The following PBX1 variants were observed in gnomAD, a reference collection of about 807,000 sequenced individuals.
PBX1 encodes the protein pre-B-cell leukemia transcription factor 1.
Under a neutral mutation model 53.4 loss-of-function variants are expected in PBX1, and 6 were observed. The ratio of observed to expected loss-of-function variants is 0.11; its 90% CI spans 0.06 to 0.22. The LOEUF (loss-of-function observed/expected upper bound fraction) is 0.22, where lower values mean the gene tolerates loss of function less well. PBX1 is among the 10% of genes least tolerant of loss of function. The pLI is 1.00. For synonymous variants in PBX1, 204 were observed against 212.3 expected (o/e 0.96, Z 0.34); for missense variants, 251 against 551.4 (o/e 0.46, Z 5.46).
chr1:164,786,657 G>A (rs1668193486), intron 2 of PBX1, among the ~76,000 whole-genome samples: 1 of 151,240 alleles, frequency 6.6e-6, no homozygotes, highest in Non-Finnish European at 1.5e-5. Context: ...CAGAGTATCG[G>A]TGTGCCTTGG....
intron 2 of PBX1, chr1:164,651,776 T>G (rs764238024): frequency 6.6e-6 from 1 of 152,304 alleles, no homozygotes; most frequent in Non-Finnish European, 1.5e-5. Flanking sequence ...CCTAATGACC[T>G]ATTCTTCCCC....
intron 2 of PBX1, among the ~76,000 whole-genome samples, chr1:164,658,065 G>C (rs1394555712): frequency 6.6e-6 from 1 of 151,886 alleles, no homozygotes; most frequent in East Asian, 1.9e-4. Context: ...GCAGGCAGGT[G>C]GTAGATGGGG....
At chr1:164,626,136 A>G in intron 2 of PBX1, 2 of 1,013,524 alleles carry the variant, frequency 2.0e-6, no homozygotes, top group Non-Finnish European at 2.4e-6. Flanking sequence ...TGGCCAGTTG[A>G]CTTGAGATGC....
rs180971055 is a variant in PBX1 at position 164,825,608 on chromosome 1, C to T, written c.1200+3982C>T. ...GATCCAAAAATATCCTTAAGTCTTT[C>T]TTTTTGGAAAAAGTTTTTCAAACTT... On this transcript the variant is annotated intron_variant, in intron 8 of 8. Coordinates refer to ENST00000420696, the MANE Select transcript of PBX1 (RefSeq NM_002585.4). Among the ~76,000 whole-genome samples the T allele has an allele frequency of 7.0e-3, 1,060 of 152,198 alleles. 4 individuals carry two copies. The highest frequency in any genetic ancestry group is 0.012 in the Non-Finnish European group (808 of 67,992).
In PBX1 at chr1:164,704,626, T is replaced by C. The variant is rs76866855; in HGVS notation, c.266-87868T>C. Among the ~76,000 whole-genome samples, 904 of 150,986 alleles carry C rather than the reference T, an allele frequency of 6.0e-3. 12 individuals carry two copies. Among genetic ancestry groups the C allele is most frequent in the African/African-American group, 0.02 (833 of 41,186 alleles). ...ACTGAATGTCAGAGCTCTGATACTATAGAATTGGATGGATACACACACATA... is the reference window on the plus strand; with the variant it reads ...ACTGAATGTCAGAGCTCTGATACTACAGAATTGGATGGATACACACACATA... On this transcript the variant is annotated intron_variant, in intron 2 of 8. Coordinates refer to ENST00000420696, the MANE Select transcript of PBX1 (RefSeq NM_002585.4).
At chr1:164,690,903 G>C (rs753992740) in intron 2 of PBX1, among the ~76,000 whole-genome samples, 8 of 151,700 alleles carry the variant, frequency 5.3e-5, no homozygotes, top group Non-Finnish European at 8.8e-5. Flanking sequence ...ATTACAGTTT[G>C]AAGTCACAAA....
intron 1 of PBX1, 53 bp downstream of exon 1, chr1:164,560,066 C>G: frequency 8.1e-7 from 1 of 1,232,584 alleles, no homozygotes; most frequent in Non-Finnish European, 1.1e-6. Context: ...TTTTCTTCCT[C>G]TTGCAGGGGG....
intron 6 of PBX1, chr1:164,819,520 T>C (rs1171191148): frequency 6.6e-6 from 1 of 152,198 alleles, no homozygotes; most frequent in Non-Finnish European, 1.5e-5. Context: ...ATTAAGAATG[T>C]CAATAGACCC....
intron 2 of PBX1, among the ~76,000 whole-genome samples, chr1:164,686,619 G>A (rs1662113282): frequency 6.6e-6 from 1 of 152,294 alleles, no homozygotes; most frequent in South Asian, 2.1e-4. Context: ...GAATCAATGG[G>A]AGACACAAGG....
At chr1:164,647,991 A>T (rs1049520193) in intron 2 of PBX1, among the ~76,000 whole-genome samples, 26 of 151,850 alleles carry the variant, frequency 1.7e-4, no homozygotes, top group African/African-American at 5.8e-4. Flanking sequence ...ATTTTTTTGT[A>T]TTTTTAGTAG....
At chr1:164,700,583 T>C (rs560355735) in intron 2 of PBX1, 1 of 985,404 alleles carries the variant, frequency 1.0e-6, no homozygotes, top group Admixed American at 6.1e-5. Context: ...GAGCAGACAG[T>C]GATCATCTTT....
chr1:164,767,319 C>T (rs1271452344), intron 2 of PBX1, among the ~76,000 whole-genome samples: 1 of 152,158 alleles, frequency 6.6e-6, no homozygotes, highest in Non-Finnish European at 1.5e-5. Flanking sequence ...AACACGGGGT[C>T]CTTCTGCATG....
At chr1:164,722,042 C>G (rs897927637) in intron 2 of PBX1, among the ~76,000 whole-genome samples, 15 of 152,144 alleles carry the variant, frequency 9.9e-5, no homozygotes, top group African/African-American at 3.6e-4. Context: ...AGTTTTATAT[C>G]TTACCCCCTG....
Position 164,687,930 on chromosome 1 carries a change from C to T in PBX1, c.266-104564C>T, listed in dbSNP as rs1162287371. Among the ~76,000 whole-genome samples the T allele has an allele frequency of 3.9e-5, 6 of 152,188 alleles. No homozygotes were observed. In the South Asian group the frequency reaches 1.2e-3, roughly 32 times the overall value. On this transcript the variant is annotated intron_variant, in intron 2 of 8. Coordinates refer to ENST00000420696, the MANE Select transcript of PBX1 (RefSeq NM_002585.4). ...GTTTCATGTTTTCAGATCTTGCTAA[C>T]TCTCCCCAGCTGTGCCCTGCAGTGG...
intron 2 of PBX1, among the ~76,000 whole-genome samples, chr1:164,769,611 T>C (rs1352439335): frequency 6.6e-6 from 1 of 152,122 alleles, no homozygotes. Context: ...ACCAGGAAGA[T>C]TGAGTTGGAG....
intron 2 of PBX1, among the ~76,000 whole-genome samples, chr1:164,872,755 T>G (rs1672411833): frequency 6.6e-6 from 1 of 152,216 alleles, no homozygotes. Flanking sequence ...ATAAGCCCTG[T>G]CTCCCCACTG....
intron 2 of PBX1, among the ~76,000 whole-genome samples, chr1:164,660,593 A>C (rs1660431973): frequency 6.6e-6 from 1 of 152,096 alleles, no homozygotes. Flanking sequence ...GCAGAGGGAG[A>C]AGGAAGTGGT....
chr1:164,809,523 A>G (rs1207718202), intron 5 of PBX1, among the ~76,000 whole-genome samples: 1 of 152,186 alleles, frequency 6.6e-6, no homozygotes, highest in East Asian at 1.9e-4. Context: ...ATTTTTGACA[A>G]GAGTCAACTG....
chr1:164,835,322 T>C (rs191991093), intron 8 of PBX1, among the ~76,000 whole-genome samples: 102 of 152,164 alleles, frequency 6.7e-4, no homozygotes, highest in African/African-American at 2.5e-3. Flanking sequence ...TTTTCTGTTA[T>C]TTCCTTGGAT....
Sources: allele counts gnomAD v4.1 joint callset (sites outside exome capture counted in the v4.1 genomes callset), GRCh38; gene constraint gnomAD v4.1.1; transcripts MANE v1.5; gene names NCBI Gene and HGNC (gene_info 2026-07-23, HGNC 2026-07-21).